MLLT1: variants seen among roughly 807,000 people sequenced by gnomAD.
The protein encoded by MLLT1 is protein ENL.
A neutral mutation model predicts 55.1 loss-of-function variants in MLLT1; 11 were observed. The observed-to-expected ratio is 0.20, with a 90% CI of 0.13 to 0.33. The LOEUF (loss-of-function observed/expected upper bound fraction) is 0.33, where lower values mean the gene tolerates loss of function less well. Ranked by LOEUF, MLLT1 falls within the 10% of genes least tolerant of loss-of-function variation. The pLI is 1.00. For synonymous variants in MLLT1, 323 were observed against 320.1 expected (o/e 1.01, Z -0.10); for missense variants, 536 against 760.6 (o/e 0.70, Z 3.47).
At chr19:6,254,674 C>A (rs2091244219) in intron 3 of MLLT1, among the ~76,000 whole-genome samples, 1 of 152,174 alleles carries the variant, frequency 6.6e-6, no homozygotes, top group African/African-American at 2.4e-5. Context: ...GAGTGGAGAA[C>A]AGGTTTTTCC....
Position 6,211,921 on chromosome 19 carries a change from G to C in MLLT1, c.*1121C>G, listed in dbSNP as rs2090776770. 9.4e-7 allele frequency: 1 copy of C among 1,065,044 alleles called. No individual in the cohort carries two copies. Among genetic ancestry groups the C allele is most frequent in the African/African-American group, 1.6e-5 (1 of 61,032 alleles). 66.0% of individuals were successfully genotyped at this position (1,065,044 alleles called of 1,614,324 possible). A position where few individuals can be genotyped will look rare whatever the true frequency, so the allele number is the denominator to read the frequency against. On this transcript the variant is annotated 3_prime_UTR_variant, in exon 12 of 12. Transcript: ENST00000252674. The surrounding 1 kb of genome is among the most constrained non-coding windows in gnomAD (Gnocchi z 4.6). ...GCCGGGGCGGGCCAGGCCGCGACCA[G>C]AGAGAAAGGCAGCCTGGGAGGGCCA...
In MLLT1 at chr19:6,273,749, C is replaced by T. The variant is rs2091412178; in HGVS notation, c.13-2990G>A. On this transcript the variant is annotated intron_variant, in intron 1 of 11. Transcript: ENST00000252674. The surrounding 1 kb of genome is among the most constrained non-coding windows in gnomAD (Gnocchi z 4.3). ...GCACCAGGATGCGGGAGAACGACCCCTGCTTCTGTGGAGCTGACTCCCACA... is the reference window on the plus strand; with the variant it reads ...GCACCAGGATGCGGGAGAACGACCCTTGCTTCTGTGGAGCTGACTCCCACA... Among the ~76,000 whole-genome samples the T allele has an allele frequency of 6.6e-6, 1 of 152,228 alleles. No homozygotes were observed. The highest frequency in any genetic ancestry group is 2.4e-5 in the African/African-American group (1 of 41,452).
chr19:6,252,362 C>T (rs1168759716), intron 3 of MLLT1, among the ~76,000 whole-genome samples: 2 of 152,198 alleles, frequency 1.3e-5, no homozygotes, highest in Non-Finnish European at 2.9e-5. Flanking sequence ...CACGGGACTT[C>T]TCGGCCTCCA....
chr19:6,212,844 C>G lies in MLLT1; in HGVS notation c.*198G>C, dbSNP rs1255753987. On this transcript the variant is annotated 3_prime_UTR_variant, in exon 12 of 12. Transcript: ENST00000252674. ...GGGGCGGCTCCCGTGTGGCCCAGCC[C>G]GGCCCCAGGGCTCCTGGCGATGGAG... 5.4e-6 allele frequency: 5 copies of G among 934,438 alleles called. No homozygotes were observed. The highest frequency in any genetic ancestry group is 7.5e-6 in the Non-Finnish European group (5 of 663,254). 57.9% of individuals were successfully genotyped at this position (934,438 alleles called of 1,614,324 possible). A position where few individuals can be genotyped will look rare whatever the true frequency, so the allele number is the denominator to read the frequency against.
At chr19:6,245,025 C>T (rs2091153943) in intron 3 of MLLT1, among the ~76,000 whole-genome samples, 1 of 152,036 alleles carries the variant, frequency 6.6e-6, no homozygotes, top group Admixed American at 6.6e-5. Flanking sequence ...GAAAAACAGT[C>T]TGGCAGTTAC....
intron 3 of MLLT1, among the ~76,000 whole-genome samples, chr19:6,257,414 C>T (rs2091266569): frequency 6.7e-6 from 1 of 150,114 alleles, no homozygotes; most frequent in African/African-American, 2.4e-5. Context: ...AAAAAAAACA[C>T]CTAAAAAAGG....
In MLLT1 at chr19:6,226,802, A is replaced by C. The variant is rs2090960796; in HGVS notation, c.546+175T>G. Among the ~76,000 whole-genome samples the C allele has an allele frequency of 6.6e-6, 1 of 152,094 alleles. No individual in the cohort carries two copies. Among genetic ancestry groups the C allele is most frequent in the African/African-American group, 2.4e-5 (1 of 41,442 alleles). The stretch of plus-strand genomic sequence containing the variant: ...CCATGATCACGGGCTTATTCCTGAA[A>C]TCCTAGGGAAGCGGCAGTGCGCAGC... On this transcript the variant is annotated intron_variant, in intron 5 of 11. Transcript: ENST00000252674. The surrounding 1 kb of genome is among the most constrained non-coding windows in gnomAD (Gnocchi z 6.3).
In MLLT1 at chr19:6,213,359, C is replaced by T. The variant is rs781520735; in HGVS notation, c.1529G>A (p.Arg510Gln). ...TACCTGCTGCAGCACGTTGCGCTCC[C>T]GCAGCGCCATCAGCCTCCGGTGTAG... The part of the protein sequence containing the change: ...VELHRRLMAL[R>Q]ERNVLQQIVN... The change falls in exon 11 of 12, where the codon CGG (arginine) becomes CAG (glutamine). Residue 510 changes from arginine (R) to glutamine (Q), a missense_variant. Arg to Gln is a conservative substitution (Grantham distance 43). Around this residue, in one of 3 missense-constraint regions of MLLT1, gnomAD observed 25 missense variants for 75.8 expected, o/e 0.33. Coordinates refer to ENST00000252674, the MANE Select transcript of MLLT1 (RefSeq NM_005934.4). 3.1e-6 allele frequency: 5 copies of T among 1,612,124 alleles called. No homozygotes were observed. Among genetic ancestry groups the T allele is most frequent in the Non-Finnish European group, 4.2e-6 (5 of 1,179,928 alleles).
chr19:6,222,642 C>T lies in MLLT1; in HGVS notation c.589G>A (p.Val197Met). 1 of 1,574,948 alleles carries T rather than the reference C, an allele frequency of 6.3e-7. No individual in the cohort carries two copies. Among genetic ancestry groups the T allele is most frequent in the East Asian group, 2.3e-5 (1 of 44,326 alleles). The change falls in exon 6 of 12, where the codon GTG (valine) becomes ATG (methionine). Residue 197 changes from valine to methionine, a missense_variant. Transcript: ENST00000252674. The surrounding 1 kb of genome is among the most constrained non-coding windows in gnomAD (Gnocchi z 4.1). ...ESSKTSKPHK[V>M]TKEHRERPRK... ...GGCCGCTCCCGGTGCTCCTTGGTCA[C>T]CTTGTGTGGCTTGGAGGTCTTGCTG...
intron 1 of MLLT1, among the ~76,000 whole-genome samples, chr19:6,277,855 G>T (rs994147168): frequency 2.6e-5 from 4 of 152,234 alleles, no homozygotes; most frequent in Non-Finnish European, 4.4e-5. Context: ...ACTCAATACA[G>T]ATTGGAAGCA....
In MLLT1 at chr19:6,216,543, G is replaced by A. The variant is rs749888869; in HGVS notation, c.1199-30C>T. Reference sequence around the variant, plus strand: ...GGAGGCGGGGCAGGGAGGGAGGGGAGACAAGGGCAGGGCTCCACTGAGCCT... The same window carrying A: ...GGAGGCGGGGCAGGGAGGGAGGGGAAACAAGGGCAGGGCTCCACTGAGCCT... On this transcript the variant is annotated intron_variant, in intron 7 of 11. Transcript: ENST00000252674. 8 of 1,478,680 alleles carry A rather than the reference G, an allele frequency of 5.4e-6. No homozygotes were observed. In the African/African-American group the frequency reaches 9.7e-5, roughly 18 times the overall value. 91.6% of individuals were successfully genotyped at this position (1,478,680 alleles called of 1,614,324 possible).
intron 3 of MLLT1, among the ~76,000 whole-genome samples, chr19:6,242,509 A>G (rs994647576): frequency 5.9e-5 from 9 of 152,044 alleles, no homozygotes; most frequent in African/African-American, 2.2e-4. Flanking sequence ...GGGGTTGGGG[A>G]GGAGGTCTAA....
chr19:6,247,862 G>T lies in MLLT1; in HGVS notation c.276+14366C>A, dbSNP rs536513496. ...GTTGGTGCTCAGAGTTTCAGATTTT[G>T]GAGCATTTTGGTGTTTTGTTTGTTT... On this transcript the variant is annotated intron_variant, in intron 3 of 11. Transcript: ENST00000252674. 3.1e-4 allele frequency among the ~76,000 whole-genome samples: 47 copies of T among 150,688 alleles called. No homozygotes were observed. The South Asian group carries it at 9.9e-3, about 32-fold the overall frequency.
rs2091103916 is a variant in MLLT1, at chr19:6,240,448, G to C, written c.277-9735C>G. Among the ~76,000 whole-genome samples, 1 of 152,240 alleles carries C rather than the reference G, an allele frequency of 6.6e-6. No homozygotes were observed. Among genetic ancestry groups the C allele is most frequent in the Admixed American group, 6.5e-5 (1 of 15,288 alleles). ...CAGAGGGCGGGCTCCAAGCGGAGCT[G>C]GCACCCGGCGCAGGTGACGTTGCCC... On this transcript the variant is annotated intron_variant, in intron 3 of 11. Coordinates refer to ENST00000252674, the MANE Select transcript of MLLT1 (RefSeq NM_005934.4). This position sits in a 1 kb window ranked among gnomAD's most constrained non-coding sequence, Gnocchi z 4.7.
At chr19:6,239,967 A>G (rs1466422044) in intron 3 of MLLT1, among the ~76,000 whole-genome samples, 1 of 152,052 alleles carries the variant, frequency 6.6e-6, no homozygotes, top group East Asian at 1.9e-4. Context: ...AAACAGCACC[A>G]TGTGGGCTGA....
At chr19:6,266,946 C>G (rs1600216916) in intron 2 of MLLT1, among the ~76,000 whole-genome samples, 1 of 152,186 alleles carries the variant, frequency 6.6e-6, no homozygotes, top group Non-Finnish European at 1.5e-5. Context: ...AGAGAACCAG[C>G]ATGAAACACT....
At chr19:6,246,309 G>A (rs775477435) in intron 3 of MLLT1, among the ~76,000 whole-genome samples, 2 of 152,040 alleles carry the variant, frequency 1.3e-5, no homozygotes, top group Admixed American at 6.5e-5. Context: ...AACTGAAAAC[G>A]TGGTCACACA....
At position 6,229,486 on chromosome 19, in the gene MLLT1, C is replaced by T. The variant is rs1042041520; in HGVS notation, c.420+1084G>A. Among the ~76,000 whole-genome samples, 3 of 151,992 alleles carry T rather than the reference C, an allele frequency of 2.0e-5. No homozygotes were observed. The highest frequency in any genetic ancestry group is 7.3e-5 in the African/African-American group (3 of 41,350). On this transcript the variant is annotated intron_variant, in intron 4 of 11. Transcript: ENST00000252674. The surrounding 1 kb of genome is among the most constrained non-coding windows in gnomAD (Gnocchi z 5.2). ...TGCCCCAAATCCACTCAGGAGGCGACCCACCCCACCCGCATACCCCACACG... is the reference window on the plus strand; with the variant it reads ...TGCCCCAAATCCACTCAGGAGGCGATCCACCCCACCCGCATACCCCACACG...
At chr19:6,216,737 T>G in intron 7 of MLLT1, 1 of 552,410 alleles carries the variant, frequency 1.8e-6, no homozygotes, top group Non-Finnish European at 3.2e-6. Flanking sequence ...CCTCCCTACC[T>G]TCCTGGCCCT....
Sources: gnomAD v4.1 joint callset for allele counts (sites outside exome capture counted in the v4.1 genomes callset) on GRCh38, gnomAD v4.1.1 for gene constraint, gnomAD v4.1.1 regional missense constraint, Gnocchi (gnomAD v3.1) non-coding constraint, MANE v1.5 for transcripts, NCBI Gene and HGNC (gene_info 2026-07-23, HGNC 2026-07-21) for gene names.